Variants in STXBP5 observed in about 807,000 individuals in gnomAD.
STXBP5 encodes syntaxin-binding protein 5.
Under a neutral mutation model 152.4 loss-of-function variants are expected in STXBP5, and 50 were observed. The ratio of observed to expected loss-of-function variants is 0.33; its 90% CI spans 0.26 to 0.42. The LOEUF is 0.42. Ranked by LOEUF, STXBP5 falls within the 10% of genes least tolerant of loss-of-function variation. STXBP5 has a pLI of 1.00. For synonymous variants in STXBP5, 492 were observed against 494.7 expected, an observed-to-expected ratio of 0.99 and a Z score of 0.07; for missense variants, 1,167 against 1,388.6, an observed-to-expected ratio of 0.84 and a Z score of 2.54.
chr6:147,289,465 G>C (rs897844424), intron 8 of STXBP5, among the ~76,000 whole-genome samples: 2 of 152,074 alleles, frequency 1.3e-5, no homozygotes, highest in Non-Finnish European at 2.9e-5. Flanking sequence ...ACATATTAAG[G>C]CTGATAGACT....
At chr6:147,232,105 T>A (rs1376402464) in intron 2 of STXBP5, among the ~76,000 whole-genome samples, 2 of 151,866 alleles carry the variant, frequency 1.3e-5, no homozygotes, top group Admixed American at 6.6e-5. Flanking sequence ...AGGTCTTATA[T>A]GCATTTTATA....
chr6:147,329,525 G>C (rs150599173), intron 18 of STXBP5, among the ~76,000 whole-genome samples: 36 of 144,704 alleles, frequency 2.5e-4, no homozygotes, highest in African/African-American at 8.9e-4. Flanking sequence ...AAAATTCTTT[G>C]TCATGATGTA....
At chr6:147,299,023 A>G (rs559329732) in intron 9 of STXBP5, among the ~76,000 whole-genome samples, 54 of 152,176 alleles carry the variant, frequency 3.5e-4, no homozygotes, top group African/African-American at 1.1e-3. Context: ...CAAAGTAGCA[A>G]TGAAACACAG....
At chr6:147,291,309 A>T in intron 9 of STXBP5, 137 bp downstream of exon 9, 2 of 566,892 alleles carry the variant, frequency 3.5e-6, no homozygotes, top group Non-Finnish European at 5.7e-6. Flanking sequence ...TTTTTATTTA[A>T]CAAAAGAAGT....
intron 12 of STXBP5, 92 bp from the exon 13 acceptor site, chr6:147,314,172 C>T: frequency 1.5e-6 from 2 of 1,379,132 alleles, no homozygotes; most frequent in Non-Finnish European, 2.0e-6. Context: ...ATGTTTTTCA[C>T]TGGATTATTT....
intron 7 of STXBP5, among the ~76,000 whole-genome samples, chr6:147,270,537 T>C (rs1435383705): frequency 6.6e-6 from 1 of 151,970 alleles, no homozygotes; most frequent in Non-Finnish European, 1.5e-5. Context: ...AATTTTTTTT[T>C]TCAAAAATAA....
chr6:147,239,442 T>C (rs1036741965), intron 4 of STXBP5, among the ~76,000 whole-genome samples, 172 bp downstream of exon 4: 1 of 152,236 alleles, frequency 6.6e-6, no homozygotes, highest in African/African-American at 2.4e-5. Context: ...AGATCCATCT[T>C]ACTTTCTTCA....
intron 9 of STXBP5, chr6:147,292,209 T>C (rs983221019): frequency 6.7e-6 from 3 of 449,368 alleles, no homozygotes; most frequent in East Asian, 1.4e-4. Context: ...GGCTAAAATA[T>C]ATATATAAAA....
chr6:147,236,839 C>T (rs115626086), intron 3 of STXBP5, among the ~76,000 whole-genome samples: 3,121 of 148,368 alleles, frequency 0.021, 110 homozygotes, highest in African/African-American at 0.074. Context: ...CATGCAATGG[C>T]GTGGTCTTGA....
intron 4 of STXBP5, among the ~76,000 whole-genome samples, chr6:147,240,251 C>T (rs1778476631): frequency 1.3e-5 from 2 of 152,002 alleles, no homozygotes; most frequent in South Asian, 4.1e-4. Flanking sequence ...CTTTGTAGTA[C>T]TCTTAAAGTT....
intron 7 of STXBP5, among the ~76,000 whole-genome samples, chr6:147,271,806 A>G (rs888759074): frequency 7.9e-5 from 12 of 152,172 alleles, no homozygotes; most frequent in African/African-American, 2.9e-4. Context: ...AGCTAACAGA[A>G]AAATAGAGAA....
chr6:147,234,395 C>T (rs560130165), intron 2 of STXBP5, among the ~76,000 whole-genome samples: 1 of 151,752 alleles, frequency 6.6e-6, no homozygotes, highest in South Asian at 2.1e-4. Context: ...GATGTTTTTA[C>T]TCAGCATACT....
At chr6:147,290,045 A>G (rs1423868239) in intron 8 of STXBP5, among the ~76,000 whole-genome samples, 2 of 152,054 alleles carry the variant, frequency 1.3e-5, no homozygotes, top group Non-Finnish European at 2.9e-5. Flanking sequence ...CATCTCTACA[A>G]AAATTTTTAA....
At chr6:147,260,493 A>G in intron 4 of STXBP5, 122 bp from the exon 5 acceptor site, 1 of 1,081,388 alleles carries the variant, frequency 9.2e-7, no homozygotes, top group Non-Finnish European at 1.4e-6. Context: ...GAATAGATAA[A>G]TCTGATGATT....
chr6:147,350,710 G>A, intron 21 of STXBP5, among the ~76,000 whole-genome samples: 1 of 152,124 alleles, frequency 6.6e-6, no homozygotes, highest in East Asian at 1.9e-4. Flanking sequence ...AAGTATAGTA[G>A]TAGCTCATCT....
At chr6:147,346,029 G>A (rs761789589) in intron 21 of STXBP5, among the ~76,000 whole-genome samples, 2 of 152,148 alleles carry the variant, frequency 1.3e-5, no homozygotes, top group Non-Finnish European at 2.9e-5. Context: ...GAAACCTTCT[G>A]TCAGAGGCAA....
At chr6:147,251,929 A>G (rs1335330164) in intron 4 of STXBP5, among the ~76,000 whole-genome samples, 1 of 152,200 alleles carries the variant, frequency 6.6e-6, no homozygotes, top group Non-Finnish European at 1.5e-5. Flanking sequence ...TCTGCTGGTG[A>G]TACCCAGGCA....
chr6:147,357,569 G>A (rs1052746622), intron 22 of STXBP5, among the ~76,000 whole-genome samples: 1 of 152,114 alleles, frequency 6.6e-6, no homozygotes, highest in African/African-American at 2.4e-5. Context: ...ATTATGTTGT[G>A]TTAGTAGTGA....
At chr6:147,320,188 A>G (rs1293694799) in intron 16 of STXBP5, among the ~76,000 whole-genome samples, 1 of 152,110 alleles carries the variant, frequency 6.6e-6, no homozygotes, top group African/African-American at 2.4e-5. Context: ...GATGGTGACT[A>G]AAAATATCAC....
Sources: allele counts gnomAD v4.1 joint callset (sites outside exome capture counted in the v4.1 genomes callset), GRCh38; gene constraint gnomAD v4.1.1; transcripts MANE v1.5; gene names NCBI Gene and HGNC (gene_info 2026-07-23, HGNC 2026-07-21).